Variants in SYN3 observed in about 807,000 individuals in gnomAD.
The protein encoded by SYN3 is synapsin-3.
SYN3 carries 35 observed loss-of-function variants against 65.8 expected under a neutral mutation model. The observed-to-expected ratio is 0.53, with a 90% CI of 0.41 to 0.70. The LOEUF is 0.70. Ranked by LOEUF, SYN3 falls within the 30% of genes least tolerant of loss-of-function variation. The probability of loss-of-function intolerance (pLI) is 0.00; values close to 1 mark genes in which losing one functional copy is unlikely to be tolerated. For synonymous variants in SYN3, 270 were observed against 292.9 expected (o/e 0.92, Z 0.80); for missense variants, 680 against 749.0 (o/e 0.91, Z 1.08).
rs575412173 is a variant in SYN3 at position 32,618,754 on chromosome 22, C to T, written c.712-22018G>A. On this transcript the variant is annotated intron_variant, in intron 6 of 13. Transcript: ENST00000358763. ...AGTCCGCAACAAGTGAAAAGATGGC[C>T]CACAGCCCAAGGTCTCAGCAGGAAA... Among the ~76,000 whole-genome samples the T allele has an allele frequency of 2.2e-4, 33 of 152,202 alleles. No homozygotes were observed. In the South Asian group the frequency reaches 6.9e-3, roughly 32 times the overall value.
intron 1 of SYN3, among the ~76,000 whole-genome samples, chr22:33,044,372 C>G (rs1228320501): frequency 6.6e-6 from 1 of 152,162 alleles, no homozygotes; most frequent in Non-Finnish European, 1.5e-5. Flanking sequence ...CTTGGACTGC[C>G]TGGTGTATTT....
At chr22:32,859,055 C>T (rs547985045) in intron 6 of SYN3, 88 of 848,402 alleles carry the variant, frequency 1.0e-4, no homozygotes, top group Admixed American at 2.4e-4. Context: ...ATTATGATCA[C>T]TGAGGGACTG....
intron 6 of SYN3, among the ~76,000 whole-genome samples, chr22:32,612,588 T>A (rs959458526): frequency 6.6e-6 from 1 of 152,074 alleles, no homozygotes; most frequent in Non-Finnish European, 1.5e-5. Context: ...ACGCCTGAAA[T>A]CCCAACATTT....
chr22:32,610,853 A>G (rs1404050230), intron 6 of SYN3, among the ~76,000 whole-genome samples: 1 of 152,224 alleles, frequency 6.6e-6, no homozygotes, highest in African/African-American at 2.4e-5. Context: ...AAGTGCTGGG[A>G]TTATAGGCAT....
At chr22:32,577,086 T>C (rs2058862046) in intron 7 of SYN3, among the ~76,000 whole-genome samples, 1 of 152,150 alleles carries the variant, frequency 6.6e-6, no homozygotes, top group African/African-American at 2.4e-5. Context: ...CTTACTCCAG[T>C]CAATCACATT....
chr22:32,708,336 A>G (rs2060907503), intron 6 of SYN3, among the ~76,000 whole-genome samples: 1 of 152,228 alleles, frequency 6.6e-6, no homozygotes. Context: ...TCTGCAGACA[A>G]TGCAGCCCCT....
chr22:32,802,146 C>A, intron 6 of SYN3: 1 of 1,570,918 alleles, frequency 6.4e-7, no homozygotes, highest in East Asian at 2.3e-5. Flanking sequence ...GTGCCCCGCC[C>A]GAGCCCCACG....
Position 32,731,393 on chromosome 22 carries a change from C to T in SYN3, c.711+133522G>A, listed in dbSNP as rs2061268532. ...ACTTTTTTTCTGACACCTCCAGCTC[C>T]ACAATCTATAAATCTGGGATGAAGC... On this transcript the variant is annotated intron_variant, in intron 6 of 13. Transcript: ENST00000358763. Among the ~76,000 whole-genome samples, 3 of 152,194 alleles carry T rather than the reference C, an allele frequency of 2.0e-5. No individual in the cohort carries two copies. The South Asian group carries it at 6.2e-4, about 32-fold the overall frequency.
At position 32,569,557 on chromosome 22, in the gene SYN3, C is replaced by G. The variant is rs369212459; in HGVS notation, c.774+27117G>C. Among the ~76,000 whole-genome samples the G allele has an allele frequency of 2.0e-3, 155 of 76,612 alleles. 1 individual carries two copies. The highest frequency in any genetic ancestry group is 0.014 in the Middle Eastern group (2 of 138). The allele number at this position is 76,612 out of a possible 152,430, so 50.3% of individuals were successfully genotyped here. ...AATCAATCTCTCTCTCTCTCTCTCT[C>G]TCTCTCTCTCTCTCTATATATATAT... On this transcript the variant is annotated intron_variant, in intron 7 of 13. Transcript: ENST00000358763.
chr22:32,596,435 A>C (rs1357638395), intron 7 of SYN3, among the ~76,000 whole-genome samples: 1 of 152,216 alleles, frequency 6.6e-6, no homozygotes, highest in Non-Finnish European at 1.5e-5. Flanking sequence ...GAGAATGATT[A>C]GTTAGCAATT....
intron 6 of SYN3, among the ~76,000 whole-genome samples, chr22:32,814,107 CGTGTGTGT>C (rs130279): frequency 0.43 from 42,129 of 97,132 alleles, 9,446 homozygotes; most frequent in Admixed American, 0.51. Context: ...AGGCAATACT[CGTGTGTGT>C]GTGTGTGTGT....
At chr22:32,827,247 C>T (rs1324312680) in intron 6 of SYN3, among the ~76,000 whole-genome samples, 1 of 152,200 alleles carries the variant, frequency 6.6e-6, no homozygotes, top group Non-Finnish European at 1.5e-5. Context: ...TAGCTTACCC[C>T]TGTCTGGCAC....
At chr22:32,628,540 G>A (rs570851220) in intron 6 of SYN3, among the ~76,000 whole-genome samples, 1 of 152,168 alleles carries the variant, frequency 6.6e-6, no homozygotes, top group Non-Finnish European at 1.5e-5. Context: ...AGCTCTCAGG[G>A]GACTCCCACA....
chr22:32,547,123 G>A (rs1295011657), intron 7 of SYN3, among the ~76,000 whole-genome samples: 1 of 151,964 alleles, frequency 6.6e-6, no homozygotes, highest in African/African-American at 2.4e-5. Context: ...GACTACCGGC[G>A]CATGACATCA....
At chr22:32,896,086 A>G (rs924951579) in intron 4 of SYN3, among the ~76,000 whole-genome samples, 3 of 152,246 alleles carry the variant, frequency 2.0e-5, no homozygotes, top group African/African-American at 4.8e-5. Context: ...CTAGCTTTCA[A>G]GTCAAGAAAT....
intron 6 of SYN3, among the ~76,000 whole-genome samples, chr22:32,720,954 G>A (rs1484257265): frequency 6.6e-6 from 1 of 152,198 alleles, no homozygotes; most frequent in Non-Finnish European, 1.5e-5. Flanking sequence ...TGGCCCCAGA[G>A]AAAGGGGAGG....
At chr22:32,991,338 A>AAATAATAATAATAATAATAATAATAAT (rs60884096) in intron 2 of SYN3, among the ~76,000 whole-genome samples, 6 of 142,618 alleles carry the variant, frequency 4.2e-5, no homozygotes, top group East Asian at 2.0e-4. Context: ...ACTCCATCTC[A>AAATAATAATAATAATAATAATAATAAT]AATAATAATA....
intron 1 of SYN3, among the ~76,000 whole-genome samples, chr22:33,040,974 G>A (rs1177074598): frequency 3.3e-5 from 5 of 152,010 alleles, no homozygotes; most frequent in Admixed American, 1.3e-4. Context: ...GAGTGCAGTG[G>A]CATGATCTCG....
At chr22:32,783,438 G>T (rs2046121237) in intron 6 of SYN3, among the ~76,000 whole-genome samples, 1 of 152,202 alleles carries the variant, frequency 6.6e-6, no homozygotes, top group Non-Finnish European at 1.5e-5. Context: ...CTGAAAATCT[G>T]AATTTTTCTG....
Sources: gnomAD v4.1 joint callset for allele counts (sites outside exome capture counted in the v4.1 genomes callset) on GRCh38, gnomAD v4.1.1 for gene constraint, MANE v1.5 for transcripts, NCBI Gene and HGNC (gene_info 2026-07-23, HGNC 2026-07-21) for gene names.